DGKQ: variants seen among roughly 807,000 people sequenced by gnomAD.
DGKQ encodes the protein DAG kinase theta.
Under a neutral mutation model 104.2 loss-of-function variants are expected in DGKQ, and 97 were observed. The observed-to-expected ratio is 0.93, with a 90% CI of 0.79 to 1.10. DGKQ has a LOEUF of 1.10. Ranked by LOEUF, DGKQ falls within the 50% of genes least tolerant of loss-of-function variation. DGKQ has a pLI of 0.00. For missense variants in DGKQ, 1,465 were observed against 1,352.1 expected (o/e 1.08, Z -1.31); for synonymous variants, 736 against 595.2 (o/e 1.24, Z -3.44).
rs4690197 is a variant in DGKQ at position 960,186 on chromosome 4, T to A, written c.*434A>T. The stretch of plus-strand genomic sequence containing the variant: ...GACACACCAGGGAGCCTGCTGCTCT[T>A]AAGGACTGGCCAGGGGGACGGCCCG... On this transcript the variant is annotated 3_prime_UTR_variant, in exon 23 of 23. Coordinates refer to ENST00000273814, the MANE Select transcript of DGKQ (RefSeq NM_001347.4). 20 of 169,502 alleles carry A rather than the reference T, an allele frequency of 1.2e-4. No homozygotes were observed. The highest frequency in any genetic ancestry group is 4.5e-4 in the African/African-American group (19 of 42,312). 10.5% of individuals were successfully genotyped at this position (169,502 alleles called of 1,614,324 possible). A position where few individuals can be genotyped will look rare whatever the true frequency, so the allele number is the denominator to read the frequency against.
intron 15 of DGKQ, among the ~76,000 whole-genome samples, chr4:963,774 G>A (rs972598872): frequency 5.9e-5 from 9 of 152,338 alleles, no homozygotes; most frequent in African/African-American, 9.6e-5. Context: ...AGGGTGGCAC[G>A]CGGCGTCCCT....
In DGKQ at chr4:961,569, C is replaced by T. The variant is rs138148951; in HGVS notation, c.2472G>A (p.Ser824=). Residue 824 remains serine (S), a synonymous_variant, in exon 21 of 23, where the codon TCG becomes TCA. Coordinates refer to ENST00000273814, the MANE Select transcript of DGKQ (RefSeq NM_001347.4). The stretch of plus-strand genomic sequence containing the variant: ...TGTCGGAGCCCCACAGGTCGGCCCC[C>T]GAGCCCCAGCTGCCGCATAAGAGAG... ...LIFINIPSWG[S]GADLWGSDSD... is the part of the protein sequence containing the mutation. 1,142 of 1,608,786 alleles carry T rather than the reference C, an allele frequency of 7.1e-4. 5 individuals are homozygous for T. The highest frequency in any genetic ancestry group is 4.3e-3 in the African/African-American group (321 of 74,944).
Position 963,290 on chromosome 4 carries a change from G to A in DGKQ, c.1735C>T (p.His579Tyr), listed in dbSNP as rs1712030382. Reference protein sequence around the residue: ...LTALVLPDLLHAKLPPDSCPL... With the variant: ...LTALVLPDLLYAKLPPDSCPL... Reference sequence around the variant, plus strand: ...CAGCTGTCTGGGGGCAGCTTCGCGTGCTGACAGACAGGGGGCTGGGTTAGG... The same window carrying A: ...CAGCTGTCTGGGGGCAGCTTCGCGTACTGACAGACAGGGGGCTGGGTTAGG... Residue 579 changes from histidine (H) to tyrosine (Y), a missense_variant and splice_region_variant, in exon 16 of 23, where the codon CAC becomes TAC. Physicochemically the swap from His to Tyr is moderately conservative, Grantham distance 83. Transcript: ENST00000273814. The A allele has an allele frequency of 1.3e-6, 2 of 1,599,666 alleles. No individual in the cohort carries two copies. Among genetic ancestry groups the A allele is most frequent in the Non-Finnish European group, 8.5e-7 (1 of 1,169,610 alleles).
chr4:966,231 C>T (rs940446972), intron 12 of DGKQ, 153 bp from the exon 13 acceptor site: 3 of 936,556 alleles, frequency 3.2e-6, no homozygotes, highest in Non-Finnish European at 4.8e-6. Flanking sequence ...GCCACAGAGG[C>T]TTCCTTGCTG....
At chr4:966,373 G>C in intron 12 of DGKQ, 93 bp downstream of exon 12, 2 of 1,386,020 alleles carry the variant, frequency 1.4e-6, no homozygotes, top group Non-Finnish European at 2.0e-6. Context: ...TAGCCAAGGA[G>C]AACTCGGCGT....
rs1491172875 is a variant in DGKQ, at chr4:968,198, C to CTCCAACTCCTCCACCTCCCA, written c.663+83_663+84insTGGGAGGTGGAGGAGTTGGA. 1.9e-5 allele frequency: 14 copies of CTCCAACTCCTCCACCTCCCA among 742,740 alleles called. No individual in the cohort carries two copies. The African/African-American group carries it at 2.1e-4, about 11-fold the overall frequency. 46.0% of individuals were successfully genotyped at this position (742,740 alleles called of 1,614,324 possible). On this transcript the variant is annotated intron_variant, in intron 5 of 22. Coordinates refer to ENST00000273814, the MANE Select transcript of DGKQ (RefSeq NM_001347.4). ...AACCCGCGCCTCTCCTGCCCCGCCC[C>CTCCAACTCCTCCACCTCCCA]GCCAACTCCTCCACCTCCCAGCACC...
At chr4:962,363 G>A (rs1028742927) in intron 18 of DGKQ, 72 bp downstream of exon 18, 19 of 1,415,974 alleles carry the variant, frequency 1.3e-5, no homozygotes, top group African/African-American at 5.7e-5. Flanking sequence ...GGAAGAGGAC[G>A]CCCGTTGTGA....
rs559290856 is a variant in DGKQ, at chr4:959,447, G to A, written c.*1173C>T. 2.0e-5 allele frequency: 3 copies of A among 152,398 alleles called. No individual in the cohort carries two copies. Among genetic ancestry groups the A allele is most frequent in the Admixed American group, 2.0e-4 (3 of 15,306 alleles). The allele number at this position is 152,398 out of a possible 1,614,324, so 9.4% of individuals were successfully genotyped here. On this transcript the variant is annotated 3_prime_UTR_variant, in exon 23 of 23. Coordinates refer to ENST00000273814, the MANE Select transcript of DGKQ (RefSeq NM_001347.4). Reference sequence around the variant, plus strand: ...CCATTTTTGGTCAGACTCCTCCCGGGGCCAGTGCACCATCTGAATCCTTGG... The same window carrying A: ...CCATTTTTGGTCAGACTCCTCCCGGAGCCAGTGCACCATCTGAATCCTTGG...
chr4:972,605 G>A (rs1164646472), intron 1 of DGKQ, among the ~76,000 whole-genome samples: 5 of 151,008 alleles, frequency 3.3e-5, no homozygotes, highest in African/African-American at 7.3e-5. Flanking sequence ...AGGCTGGGCT[G>A]TGGTCCCCCT....
At chr4:968,738 C>G (rs1712679504) in intron 3 of DGKQ, 73 bp downstream of exon 3, 1 of 1,442,492 alleles carries the variant, frequency 6.9e-7, no homozygotes, top group African/African-American at 1.4e-5. Flanking sequence ...AGCTGCACAG[C>G]AGGGGTGGGC....
chr4:972,592 C>T (rs1040079067), intron 1 of DGKQ, among the ~76,000 whole-genome samples: 7 of 151,168 alleles, frequency 4.6e-5, no homozygotes, highest in South Asian at 2.6e-4. Context: ...TCGCTCCCTC[C>T]AGAGGCTGGG....
rs150690148 is a variant in DGKQ at position 965,971 on chromosome 4, G to A, written c.1536C>T (p.Pro512=). 1.2e-5 allele frequency: 20 copies of A among 1,605,532 alleles called. No individual in the cohort carries two copies. The highest frequency in any genetic ancestry group is 1.6e-4 in the Middle Eastern group (1 of 6,070). ...FVGGLPPGLS[P]EEYSSLLHEA... Reference sequence around the variant, plus strand: ...CATGCAGCAGGCTGCTGTACTCCTCGGGAGACAGGCCGGGAGGCAGGCCGC... The same window carrying A: ...CATGCAGCAGGCTGCTGTACTCCTCAGGAGACAGGCCGGGAGGCAGGCCGC... The change falls in exon 13 of 23, where the codon CCC becomes CCT. Residue 512 remains proline, a synonymous_variant. Transcript: ENST00000273814.
In DGKQ at chr4:965,182, G is replaced by C. The variant is rs1047726501; in HGVS notation, c.1728C>G (p.Asp576Glu). The part of the protein sequence containing the change: ...GRLLTALVLP[D>E]LLHAKLPPDS... ...GGCTTGACCGCACACTCACCAGCAG[G>C]TCGGGGAGCACCAGGGCAGTGAGCA... The change falls in exon 15 of 23, where the codon GAC becomes GAG. Residue 576 changes from aspartate to glutamate, a missense_variant. Transcript: ENST00000273814. The C allele has an allele frequency of 6.2e-7, 1 of 1,612,396 alleles. No homozygotes were observed. The highest frequency in any genetic ancestry group is 8.5e-7 in the Non-Finnish European group (1 of 1,179,724).
intron 13 of DGKQ, 64 bp from the exon 14 acceptor site, chr4:965,593 A>G: frequency 1.3e-6 from 2 of 1,570,592 alleles, no homozygotes; most frequent in Non-Finnish European, 8.7e-7. Flanking sequence ...GGGGCCAGGG[A>G]CAGCCCCTCC....
At position 965,964 on chromosome 4, in the gene DGKQ, A is replaced by G; in HGVS notation, c.1543T>C (p.Tyr515His). 1 of 1,604,968 alleles carries G rather than the reference A, an allele frequency of 6.2e-7. No individual in the cohort carries two copies. The highest frequency in any genetic ancestry group is 8.5e-7 in the Non-Finnish European group (1 of 1,176,580). The change falls in exon 13 of 23, where the codon TAC becomes CAC. Residue 515 changes from tyrosine to histidine, a missense_variant. Physicochemically the swap from Tyr to His is moderately conservative, Grantham distance 83. Transcript: ENST00000273814. ...CCGGCCTCATGCAGCAGGCTGCTGTACTCCTCGGGAGACAGGCCGGGAGGC... is the reference window on the plus strand; with the variant it reads ...CCGGCCTCATGCAGCAGGCTGCTGTGCTCCTCGGGAGACAGGCCGGGAGGC... ...GLPPGLSPEE[Y>H]SSLLHEAGAT...
rs1004405030 is a variant in DGKQ at position 971,234 on chromosome 4, G to A, written c.272-162C>T. Among the ~76,000 whole-genome samples, 4 of 152,102 alleles carry A rather than the reference G, an allele frequency of 2.6e-5. No homozygotes were observed. Among genetic ancestry groups the A allele is most frequent in the Non-Finnish European group, 5.9e-5 (4 of 67,994 alleles). ...CACCACCCTGCCCACTCATTGGAGA[G>A]AGCCTGCAGCCCAGGAGCCCAGGAG... On this transcript the variant is annotated intron_variant, in intron 1 of 22. Coordinates refer to ENST00000273814, the MANE Select transcript of DGKQ (RefSeq NM_001347.4). The surrounding 1 kb of genome is among the most constrained non-coding windows in gnomAD (Gnocchi z 4.0).
chr4:960,774 G>A (rs1711828654), intron 22 of DGKQ, 53 bp from the exon 23 acceptor site: 14 of 1,594,384 alleles, frequency 8.8e-6, no homozygotes, highest in Admixed American at 3.4e-5. Flanking sequence ...ATGAAAGAAC[G>A]GTACACGGGC....
At chr4:962,693 C>A in intron 17 of DGKQ, 79 bp downstream of exon 17, 1 of 1,588,594 alleles carries the variant, frequency 6.3e-7, no homozygotes, top group South Asian at 1.1e-5. Flanking sequence ...ACGAGGACAG[C>A]CAGCCCAGGC....
chr4:968,153 G>A (rs1453201470), intron 5 of DGKQ, 126 bp from the exon 6 acceptor site: 2 of 538,292 alleles, frequency 3.7e-6, no homozygotes, highest in Non-Finnish European at 2.6e-6. Flanking sequence ...CCTGCCGCCC[G>A]CCCCCGAGCA....
Sources: gnomAD v4.1 joint callset for allele counts (sites outside exome capture counted in the v4.1 genomes callset) on GRCh38, gnomAD v4.1.1 for gene constraint, Gnocchi (gnomAD v3.1) non-coding constraint, MANE v1.5 for transcripts, NCBI Gene and HGNC (gene_info 2026-07-23, HGNC 2026-07-21) for gene names.